Variants in PKD1L3 observed in about 807,000 individuals in gnomAD.
PKD1L3 encodes the protein polycystin-1-like protein 3.
In PKD1L3, 239 loss-of-function variants were observed where a neutral mutation model predicts 184.1. That is an observed-to-expected ratio of 1.30 (90% confidence interval 1.17 to 1.45). PKD1L3 has a LOEUF of 1.45. PKD1L3 is among the 40% of genes most tolerant of loss of function. PKD1L3 has a pLI of 0.00. For synonymous variants in PKD1L3, 996 were observed against 778.8 expected, an observed-to-expected ratio of 1.28 and a Z score of -4.64; for missense variants, 2,660 against 2,067.2, an observed-to-expected ratio of 1.29 and a Z score of -5.56.
In PKD1L3 at chr16:71,937,437, C is replaced by T; in HGVS notation, c.4325-18G>A. ...GAAAGCACCTGAGAATAACAAAGAACACCTGGAGTCAAGAGTCTAAAACTT... is the reference window on the plus strand; with the variant it reads ...GAAAGCACCTGAGAATAACAAAGAATACCTGGAGTCAAGAGTCTAAAACTT... On this transcript the variant is annotated intron_variant, in intron 24 of 29. Coordinates refer to ENST00000620267, the MANE Select transcript of PKD1L3 (RefSeq NM_181536.2). 6.5e-7 allele frequency: 1 copy of T among 1,547,958 alleles called. No homozygotes were observed. Among genetic ancestry groups the T allele is most frequent in the Non-Finnish European group, 8.7e-7 (1 of 1,145,952 alleles).
intron 16 of PKD1L3, among the ~76,000 whole-genome samples, chr16:71,958,952 C>G (rs1230314752): frequency 2.0e-5 from 3 of 149,728 alleles, no homozygotes; most frequent in Non-Finnish European, 4.4e-5. Flanking sequence ...CCAGGCATGG[C>G]AGCGTGTGCC....
chr16:71,958,386 C>CAAA (rs35815882), intron 16 of PKD1L3, among the ~76,000 whole-genome samples: 32 of 105,506 alleles, frequency 3.0e-4, no homozygotes, highest in African/African-American at 4.3e-4. Flanking sequence ...GACTCCGTCT[C>CAAA]AAAAAAAAAA....
Position 71,993,304 on chromosome 16 carries a change from A to T in PKD1L3, c.447T>A (p.Tyr149Ter), listed in dbSNP as rs1354173579. The T allele has an allele frequency of 1.1e-5, 17 of 1,549,240 alleles. No individual in the cohort carries two copies. Among genetic ancestry groups the T allele is most frequent in the African/African-American group, 1.4e-5 (1 of 72,744 alleles). ...TGDFLDGDAHYERNGNNSHLY... is the reference protein window; with the variant it reads ...TGDFLDGDAH ...AATGGGAATTATTTCCATTTCTTTC[A>T]TAATGGGCATCTCCGTCCAAAAAGT... is the stretch of plus-strand genomic sequence containing the variant. The change falls in exon 3 of 30, where the codon TAT becomes TAA. Residue 149 changes from tyrosine to a stop codon, truncating the protein, a stop_gained. Coordinates refer to ENST00000620267, the MANE Select transcript of PKD1L3 (RefSeq NM_181536.2). LOFTEE classifies it high-confidence loss of function.
intron 6 of PKD1L3, among the ~76,000 whole-genome samples, chr16:71,983,663 CTTTTTTTTTTTT>C (rs1180950058): frequency 3.0e-5 from 3 of 100,308 alleles, no homozygotes; most frequent in Non-Finnish European, 1.9e-5. Context: ...GATTCTCTTT[CTTTTTTTTTTTT>C]TTTTTTTTTT....
intron 12 of PKD1L3, 146 bp downstream of exon 12, chr16:71,973,178 C>G: frequency 1.0e-6 from 1 of 979,418 alleles, no homozygotes; most frequent in South Asian, 1.6e-5. Flanking sequence ...ACACACAACC[C>G]TCCTCCCTCC....
intron 9 of PKD1L3, among the ~76,000 whole-genome samples, chr16:71,979,186 G>A (rs912550912): frequency 6.6e-6 from 1 of 152,164 alleles, no homozygotes; most frequent in Non-Finnish European, 1.5e-5. Flanking sequence ...GCTCACACCT[G>A]TAATCCCAGC....
At chr16:71,999,268 C>T (rs1261276824) in intron 1 of PKD1L3, among the ~76,000 whole-genome samples, 2 of 120,600 alleles carry the variant, frequency 1.7e-5, no homozygotes, top group Non-Finnish European at 3.4e-5. Context: ...GAGACTCCAT[C>T]TCAAAAAAAA....
rs74027971 is a variant in PKD1L3, at chr16:72,000,091, C to A, written c.-113G>T. On this transcript the variant is annotated 5_prime_UTR_variant, in exon 1 of 30. Coordinates refer to ENST00000620267, the MANE Select transcript of PKD1L3 (RefSeq NM_181536.2). ...GTATTATTCTTTTATGAATTGGGAACAATTTACCAAGGATACAAAAGGTTT... is the reference window on the plus strand; with the variant it reads ...GTATTATTCTTTTATGAATTGGGAAAAATTTACCAAGGATACAAAAGGTTT... 2.0e-3 allele frequency: 1,802 copies of A among 913,086 alleles called. 15 individuals carry two copies. Among genetic ancestry groups the A allele is most frequent in the African/African-American group, 0.012 (721 of 57,754 alleles). The allele number at this position is 913,086 out of a possible 1,614,324, so 56.6% of individuals were successfully genotyped here.
At chr16:71,996,423 G>A (rs1319395289) in intron 2 of PKD1L3, among the ~76,000 whole-genome samples, 1 of 151,802 alleles carries the variant, frequency 6.6e-6, no homozygotes, top group Non-Finnish European at 1.5e-5. Flanking sequence ...ACCACGCCTG[G>A]CTAATTTTTG....
In PKD1L3 at chr16:71,934,530, C is replaced by G. The variant is rs554346928; in HGVS notation, c.4614-405G>C. 4.6e-5 allele frequency among the ~76,000 whole-genome samples: 7 copies of G among 152,288 alleles called. No homozygotes were observed. The South Asian group carries it at 1.2e-3, about 27-fold the overall frequency. The stretch of plus-strand genomic sequence containing the variant: ...GGTCTGTTTTCTGTGGCACACTAAT[C>G]CTGTGTTCTCTGGCAGTACAGGATT... On this transcript the variant is annotated intron_variant, in intron 26 of 29. Coordinates refer to ENST00000620267, the MANE Select transcript of PKD1L3 (RefSeq NM_181536.2).
At chr16:71,997,821 C>T (rs2040846709) in intron 2 of PKD1L3, among the ~76,000 whole-genome samples, 1 of 151,142 alleles carries the variant, frequency 6.6e-6, no homozygotes, top group South Asian at 2.1e-4. Flanking sequence ...TGCATACGTA[C>T]ATACATACAT....
chr16:71,965,776 A>G (rs1259398248), intron 15 of PKD1L3, among the ~76,000 whole-genome samples: 1 of 151,544 alleles, frequency 6.6e-6, no homozygotes, highest in Non-Finnish European at 1.5e-5. Flanking sequence ...CTGGTCTCAA[A>G]CTCCTGACCT....
chr16:71,974,360 A>T (rs80224450), intron 11 of PKD1L3, among the ~76,000 whole-genome samples: 2,159 of 152,260 alleles, frequency 0.014, 57 homozygotes, highest in African/African-American at 0.048. Context: ...TCTGAATGAC[A>T]TATCATTGCC....
chr16:71,971,323 A>C (rs944800987), intron 12 of PKD1L3, among the ~76,000 whole-genome samples: 1 of 152,218 alleles, frequency 6.6e-6, no homozygotes, highest in African/African-American at 2.4e-5. Flanking sequence ...TTTCTGCATA[A>C]TATTTAAAAA....
At chr16:71,991,054 C>G (rs2040570498) in intron 3 of PKD1L3, 1 of 152,714 alleles carries the variant, frequency 6.5e-6, no homozygotes, top group African/African-American at 2.4e-5. Flanking sequence ...ACATATGGGA[C>G]ATTTTCAGCT....
chr16:71,993,679 C>T (rs940396043), intron 2 of PKD1L3, among the ~76,000 whole-genome samples: 2 of 152,192 alleles, frequency 1.3e-5, no homozygotes, highest in African/African-American at 4.8e-5. Context: ...AAGTTTGCAA[C>T]CTCCAGCATA....
intron 13 of PKD1L3, among the ~76,000 whole-genome samples, 165 bp downstream of exon 13, chr16:71,969,710 C>A (rs2039638331): frequency 6.6e-6 from 1 of 152,108 alleles, no homozygotes; most frequent in Non-Finnish European, 1.5e-5. Flanking sequence ...GTTCTCAGGT[C>A]TTGAGTCAGC....
chr16:71,983,119 A>AT (rs1567544077), intron 6 of PKD1L3, among the ~76,000 whole-genome samples: 1 of 152,198 alleles, frequency 6.6e-6, no homozygotes. Context: ...GACTAAAAAA[A>AT]GGAATGAAGA....
chr16:71,950,229 C>A lies in PKD1L3; in HGVS notation c.3272G>T (p.Gly1091Val). ...QRLKSHLGTL[G>V]LTQGHQSCDF... ...ACAGGACTGGTGACCCTGGGTGAGA[C>A]CCAGCGTGCCTAAGTGAGATTTCAG... Residue 1091 changes from glycine to valine, a missense_variant, in exon 20 of 30, where the codon GGT becomes GTT. By Grantham distance (109) the Gly-to-Val change is moderately radical (BLOSUM62 -3). Transcript: ENST00000620267. 1.9e-6 allele frequency: 3 copies of A among 1,552,016 alleles called. No individual in the cohort carries two copies. Among genetic ancestry groups the A allele is most frequent in the Non-Finnish European group, 2.6e-6 (3 of 1,147,082 alleles).
Sources: gnomAD v4.1 joint callset for allele counts (sites outside exome capture counted in the v4.1 genomes callset) on GRCh38, gnomAD v4.1.1 for gene constraint, MANE v1.5 for transcripts, NCBI Gene and HGNC (gene_info 2026-07-23, HGNC 2026-07-21) for gene names.